NALCN: variants seen among roughly 807,000 people sequenced by gnomAD.
The protein encoded by NALCN is sodium leak channel, non-selective, also known as sodium leak channel NALCN.
Under a neutral mutation model 225.3 loss-of-function variants are expected in NALCN, and 111 were observed. The observed-to-expected ratio is 0.49, with a 90% CI of 0.42 to 0.58. The LOEUF is 0.58. Ranked by LOEUF, NALCN falls within the 20% of genes least tolerant of loss-of-function variation. The pLI is 0.00. For missense variants in NALCN, 1,378 were observed against 2,202.4 expected, an observed-to-expected ratio of 0.63 and a Z score of 7.49; for synonymous variants, 764 against 769.0, an observed-to-expected ratio of 0.99 and a Z score of 0.11.
intron 7 of NALCN, among the ~76,000 whole-genome samples, chr13:101,314,727 G>A (rs2044489657): frequency 6.6e-6 from 1 of 152,164 alleles, no homozygotes; most frequent in South Asian, 2.1e-4. Context: ...AGAATTTCAT[G>A]TCAAAGATCC....
intron 4 of NALCN, 40 bp from the exon 5 acceptor site, chr13:101,377,096 C>G: frequency 6.2e-7 from 1 of 1,612,498 alleles, no homozygotes; most frequent in South Asian, 1.1e-5. Context: ...TGGATTTTCC[C>G]TTAGCATTGC....
chr13:101,064,192 T>C (rs1156967955), intron 40 of NALCN, among the ~76,000 whole-genome samples: 1 of 152,206 alleles, frequency 6.6e-6, no homozygotes, highest in East Asian at 1.9e-4. Context: ...TTTCTCCTGG[T>C]AACAAAGACA....
intron 14 of NALCN, among the ~76,000 whole-genome samples, chr13:101,181,560 C>T (rs529055335): frequency 2.1e-5 from 3 of 144,944 alleles, no homozygotes; most frequent in East Asian, 2.0e-4. Context: ...CCTGGGCAAC[C>T]CTGTCTCTCA....
chr13:101,416,890 A>G (rs545989807), upstream of NALCN, among the ~76,000 whole-genome samples: 5 of 152,316 alleles, frequency 3.3e-5, no homozygotes, highest in Non-Finnish European at 5.9e-5. Flanking sequence ...GCGTGAGGTC[A>G]GACTGTGCAC....
At chr13:101,400,597 G>GCGCA (rs143943913) in intron 1 of NALCN, among the ~76,000 whole-genome samples, 14 of 151,254 alleles carry the variant, frequency 9.3e-5, no homozygotes, top group African/African-American at 3.4e-4. Context: ...GTGTGCGCGC[G>GCGCA]CACACAGATG....
intron 10 of NALCN, among the ~76,000 whole-genome samples, chr13:101,263,728 C>A (rs1285955839): frequency 6.6e-6 from 1 of 152,196 alleles, no homozygotes; most frequent in Non-Finnish European, 1.5e-5. Flanking sequence ...GATTTTGATA[C>A]ACTATAATCA....
At chr13:101,325,337 T>C (rs532010539) in intron 7 of NALCN, among the ~76,000 whole-genome samples, 1 of 152,356 alleles carries the variant, frequency 6.6e-6, no homozygotes, top group African/African-American at 2.4e-5. Context: ...TAGGTGAAAG[T>C]ACCCCTCCAG....
chr13:101,101,619 G>A (rs577368721), intron 26 of NALCN, among the ~76,000 whole-genome samples: 1 of 152,298 alleles, frequency 6.6e-6, no homozygotes, highest in Admixed American at 6.5e-5. Flanking sequence ...AAATGAGCGG[G>A]ACAGTGGCTT....
chr13:101,189,362 T>C (rs2039587731), intron 14 of NALCN, among the ~76,000 whole-genome samples: 1 of 152,180 alleles, frequency 6.6e-6, no homozygotes, highest in Non-Finnish European at 1.5e-5. Context: ...TATCTGAACA[T>C]AATATAAATT....
intron 13 of NALCN, among the ~76,000 whole-genome samples, chr13:101,215,005 A>C (rs1321604856): frequency 6.6e-6 from 1 of 152,168 alleles, no homozygotes; most frequent in Non-Finnish European, 1.5e-5. Context: ...GTTTATCCAA[A>C]TGGAAATAAA....
intron 11 of NALCN, among the ~76,000 whole-genome samples, chr13:101,241,248 C>T (rs1272175397): frequency 6.6e-6 from 1 of 152,144 alleles, no homozygotes; most frequent in Non-Finnish European, 1.5e-5. Flanking sequence ...TCAAGACCTG[C>T]ATTTAGGGTA....
intron 15 of NALCN, among the ~76,000 whole-genome samples, chr13:101,166,405 GTT>G (rs55825099): frequency 6.0e-5 from 9 of 148,906 alleles, no homozygotes; most frequent in Non-Finnish European, 1.2e-4. Context: ...TTGCCAAACT[GTT>G]TTTTTTTTTG....
At chr13:101,273,302 C>A (rs1367785478) in intron 10 of NALCN, among the ~76,000 whole-genome samples, 2 of 152,164 alleles carry the variant, frequency 1.3e-5, no homozygotes, top group African/African-American at 2.4e-5. Context: ...ACTGGAGTGA[C>A]CCTTCCCACA....
At chr13:101,087,941 A>T (rs7319968) in intron 30 of NALCN, among the ~76,000 whole-genome samples, 1 of 152,046 alleles carries the variant, frequency 6.6e-6, no homozygotes, top group Non-Finnish European at 1.5e-5. Flanking sequence ...TTGACTGATT[A>T]GCTTCTGCTT....
chr13:101,404,708 C>T (rs1255434009), intron 1 of NALCN, among the ~76,000 whole-genome samples: 1 of 152,220 alleles, frequency 6.6e-6, no homozygotes, highest in African/African-American at 2.4e-5. Flanking sequence ...GCTGCTTACA[C>T]ATGGTTTTGT....
intron 6 of NALCN, among the ~76,000 whole-genome samples, chr13:101,360,329 C>A (rs1566615256): frequency 6.6e-6 from 1 of 151,744 alleles, no homozygotes; most frequent in African/African-American, 2.4e-5. Flanking sequence ...CACCTCCCGG[C>A]TCCAACGATT....
intron 1 of NALCN, among the ~76,000 whole-genome samples, chr13:101,415,573 C>T (rs2047920062): frequency 1.3e-5 from 2 of 152,286 alleles, no homozygotes; most frequent in South Asian, 2.1e-4. Context: ...CGATCTGGGC[C>T]CCCAGAGGGA....
intron 7 of NALCN, among the ~76,000 whole-genome samples, chr13:101,294,214 G>C (rs1206235387): frequency 6.6e-6 from 1 of 152,086 alleles, no homozygotes; most frequent in Non-Finnish European, 1.5e-5. Context: ...TTATTAATGG[G>C]TACAAACATA....
intron 6 of NALCN, among the ~76,000 whole-genome samples, chr13:101,370,676 A>G (rs61973699): frequency 0.21 from 31,850 of 152,096 alleles, 3,459 homozygotes; most frequent in Non-Finnish European, 0.24. Flanking sequence ...GGGTAATAGC[A>G]CACAATAAAT....
Sources: gnomAD v4.1 joint callset for allele counts (sites outside exome capture counted in the v4.1 genomes callset) on GRCh38, gnomAD v4.1.1 for gene constraint, MANE v1.5 for transcripts, NCBI Gene and HGNC (gene_info 2026-07-23, HGNC 2026-07-21) for gene names.